Variants in ATXN1 observed in about 807,000 individuals in gnomAD.
ATXN1 encodes ataxin 1, also known as ataxin-1.
ATXN1 carries 8 observed loss-of-function variants against 56.4 expected under a neutral mutation model. The ratio of observed to expected loss-of-function variants is 0.14; its 90% confidence interval spans 0.08 to 0.26. ATXN1 has a LOEUF of 0.26. ATXN1 is among the 10% of genes least tolerant of loss of function. ATXN1 has a pLI of 1.00. For synonymous variants in ATXN1, 514 were observed against 494.6 expected (o/e 1.04, Z -0.52); for missense variants, 987 against 1,106.5 (o/e 0.89, Z 1.53).
At chr6:16,695,162 A>G (rs1173963114) in intron 2 of ATXN1, among the ~76,000 whole-genome samples, 3 of 152,156 alleles carry the variant, frequency 2.0e-5, no homozygotes, top group African/African-American at 4.8e-5. Context: ...ATTATGGGAT[A>G]TTTTGGACTT....
intron 6 of ATXN1, among the ~76,000 whole-genome samples, chr6:16,453,390 G>A (rs1304535332): frequency 2.0e-5 from 3 of 152,096 alleles, no homozygotes; most frequent in African/African-American, 7.2e-5. Context: ...GAACCCGGGA[G>A]GCAGAGGTTG....
intron 6 of ATXN1, among the ~76,000 whole-genome samples, chr6:16,447,608 C>T (rs1581769240): frequency 6.6e-6 from 1 of 152,084 alleles, no homozygotes; most frequent in African/African-American, 2.4e-5. Context: ...CCTCCCACCT[C>T]GGCCTCCCAA....
intron 6 of ATXN1, among the ~76,000 whole-genome samples, chr6:16,340,076 T>C (rs1343935027): frequency 6.6e-6 from 1 of 152,188 alleles, no homozygotes; most frequent in African/African-American, 2.4e-5. Context: ...CCACCGCGCC[T>C]GACCATGAAG....
intron 2 of ATXN1, among the ~76,000 whole-genome samples, chr6:16,742,694 A>G (rs1144696): frequency 0.22 from 33,330 of 152,150 alleles, 4,634 homozygotes; most frequent in African/African-American, 0.39. Flanking sequence ...GAAGTCATTT[A>G]CAACCCAGAG....
At chr6:16,332,255 G>T (rs1309205519) in intron 6 of ATXN1, among the ~76,000 whole-genome samples, 1 of 152,194 alleles carries the variant, frequency 6.6e-6, no homozygotes, top group African/African-American at 2.4e-5. Context: ...CCCACGGGTA[G>T]AGATTGGGTC....
intron 5 of ATXN1, among the ~76,000 whole-genome samples, chr6:16,493,401 CT>C (rs1760708089): frequency 6.6e-6 from 1 of 150,902 alleles, no homozygotes; most frequent in African/African-American, 2.4e-5. Context: ...CCCACTTTTT[CT>C]ACAACTCTTT....
Position 16,760,163 on chromosome 6 carries a change from A to G in ATXN1, c.-730+1135T>C, listed in dbSNP as rs1219385111. On this transcript the variant is annotated intron_variant, in intron 1 of 7. Transcript: ENST00000436367. This position sits in a 1 kb window ranked among gnomAD's most constrained non-coding sequence, Gnocchi z 5.3. ...GCGGCGGCGCCCCCGGGAGTGGCAG[A>G]GTCTCCGGCCCGGCCCAGAGTGAAC... Among the ~76,000 whole-genome samples, 1 of 151,692 alleles carries G rather than the reference A, an allele frequency of 6.6e-6. No individual in the cohort carries two copies. Among genetic ancestry groups the G allele is most frequent in the Non-Finnish European group, 1.5e-5 (1 of 67,884 alleles).
At chr6:16,368,662 T>A (rs1761979487) in intron 6 of ATXN1, among the ~76,000 whole-genome samples, 1 of 152,124 alleles carries the variant, frequency 6.6e-6, no homozygotes, top group African/African-American at 2.4e-5. Flanking sequence ...GCACATCTAA[T>A]CCCAAGTCAC....
At chr6:16,686,935 T>C (rs1443064787) in intron 2 of ATXN1, among the ~76,000 whole-genome samples, 1 of 152,204 alleles carries the variant, frequency 6.6e-6, no homozygotes, top group East Asian at 1.9e-4. Context: ...TTCCAAAATG[T>C]GCATGGGGCT....
intron 2 of ATXN1, among the ~76,000 whole-genome samples, chr6:16,670,670 C>T (rs723054): frequency 0.51 from 77,124 of 152,016 alleles, 20,184 homozygotes; most frequent in East Asian, 0.68. Context: ...CTGTGAGGCA[C>T]TGCCAAGTCG....
intron 3 of ATXN1, among the ~76,000 whole-genome samples, chr6:16,600,474 G>A (rs1206083916): frequency 6.6e-6 from 1 of 152,126 alleles, no homozygotes; most frequent in Non-Finnish European, 1.5e-5. Flanking sequence ...CTCCTCTTAA[G>A]AGCAGCGTAT....
chr6:16,744,049 T>G (rs940928953), intron 2 of ATXN1, among the ~76,000 whole-genome samples: 1 of 152,178 alleles, frequency 6.6e-6, no homozygotes, highest in African/African-American at 2.4e-5. Flanking sequence ...AATGTTCATT[T>G]TGGCTTCAAA....
At chr6:16,745,278 T>C (rs963909741) in intron 2 of ATXN1, among the ~76,000 whole-genome samples, 2 of 152,204 alleles carry the variant, frequency 1.3e-5, no homozygotes, top group Admixed American at 1.3e-4. Context: ...CCTCGGTAAA[T>C]ACTTGTGTGC....
rs182854280 is a variant in ATXN1 at position 16,664,500 on chromosome 6, A to G, written c.-614-6599T>C. ...CCAAAATTAAAAGGAGGATAAAAAA[A>G]GGTTGGGATAATTTGTTTTTAAAGG... On this transcript the variant is annotated intron_variant, in intron 2 of 7. Coordinates refer to ENST00000436367, the MANE Select transcript of ATXN1 (RefSeq NM_001128164.2). 2.6e-5 allele frequency among the ~76,000 whole-genome samples: 4 copies of G among 152,312 alleles called. No individual in the cohort carries two copies. In the East Asian group the frequency reaches 5.8e-4, roughly 22 times the overall value.
chr6:16,721,165 C>T (rs992670107), intron 2 of ATXN1, among the ~76,000 whole-genome samples: 8 of 152,280 alleles, frequency 5.3e-5, no homozygotes, highest in African/African-American at 1.7e-4. Context: ...ACACATTTCC[C>T]CAAATGTTCC....
chr6:16,760,830 C>A lies in ATXN1; in HGVS notation c.-730+468G>T, dbSNP rs1031532814. The stretch of plus-strand genomic sequence containing the variant: ...CCCCAACCCCAGCCGCCGCCTCCCC[C>A]CTGCGCCACCCGGAGGGAGGAGGAC... On this transcript the variant is annotated intron_variant, in intron 1 of 7. Transcript: ENST00000436367. The surrounding 1 kb of genome is among the most constrained non-coding windows in gnomAD (Gnocchi z 5.3). 7.3e-5 allele frequency among the ~76,000 whole-genome samples: 11 copies of A among 151,018 alleles called. No homozygotes were observed. Among genetic ancestry groups the A allele is most frequent in the Non-Finnish European group, 1.2e-4 (8 of 67,614 alleles).
chr6:16,369,344 T>C (rs1482051295), intron 6 of ATXN1, among the ~76,000 whole-genome samples: 2 of 152,168 alleles, frequency 1.3e-5, no homozygotes, highest in African/African-American at 4.8e-5. Context: ...TCTTCCCTCC[T>C]TCGTACCTCC....
chr6:16,327,180 C>T lies in ATXN1; in HGVS notation c.1131G>A (p.Gly377=). ...PSDYSSRDPS[G]VRASVMVLPN... is the part of the protein sequence containing the mutation. ...GCAGGACCATCACAGAGGCCCGGAC[C>T]CCCGAAGGATCACGACTGCTGTAGT... is the stretch of plus-strand genomic sequence containing the variant. The change falls in exon 7 of 8, where the codon GGG becomes GGA. Residue 377 remains glycine, a synonymous_variant. Transcript: ENST00000436367. 1.2e-6 allele frequency: 2 copies of T among 1,613,914 alleles called. No homozygotes were observed. Among genetic ancestry groups the T allele is most frequent in the Non-Finnish European group, 8.5e-7 (1 of 1,180,006 alleles).
chr6:16,429,666 T>C (rs1759237450), intron 6 of ATXN1, among the ~76,000 whole-genome samples: 1 of 152,066 alleles, frequency 6.6e-6, no homozygotes, highest in South Asian at 2.1e-4. Context: ...GATCCACCCA[T>C]CTCGGCCTCC....
Sources: allele counts gnomAD v4.1 joint callset (sites outside exome capture counted in the v4.1 genomes callset), GRCh38; gene constraint gnomAD v4.1.1; non-coding constraint Gnocchi (gnomAD v3.1); transcripts MANE v1.5; gene names NCBI Gene and HGNC (gene_info 2026-07-23, HGNC 2026-07-21).